Variants in ARHGEF9 observed in about 807,000 individuals in gnomAD.
ARHGEF9 encodes rho guanine nucleotide exchange factor 9.
A neutral mutation model predicts 41.3 loss-of-function variants in ARHGEF9; 2 were observed. That is an observed-to-expected ratio of 0.05 (90% CI 0.02 to 0.15). ARHGEF9 has a LOEUF of 0.15. Ranked by LOEUF, ARHGEF9 falls within the 10% of genes least tolerant of loss-of-function variation. The probability of loss-of-function intolerance (pLI) is 1.00; values close to 1 mark genes in which losing one functional copy is unlikely to be tolerated. For missense variants in ARHGEF9, 225 were observed against 424.7 expected (o/e 0.53, Z 4.13); for synonymous variants, 160 against 154.4 (o/e 1.04, Z -0.27).
At chrX:63,745,376 A>C (rs2055205082) in intron 1 of ARHGEF9, among the ~76,000 whole-genome samples, 1 of 108,856 alleles carries the variant, frequency 9.2e-6, no homozygotes, top group African/African-American at 3.4e-5. Flanking sequence ...TCCCCATCCT[A>C]CTCCCTGGAA....
chrX:63,782,177 T>C (rs1267388286), intron 1 of ARHGEF9, among the ~76,000 whole-genome samples: 6 of 112,074 alleles, frequency 5.4e-5, no homozygotes, highest in Non-Finnish European at 1.1e-4. Context: ...GAATTTTTTT[T>C]CATTGTGATC....
chrX:63,751,421 C>G (rs1393674814), intron 1 of ARHGEF9, among the ~76,000 whole-genome samples: 1 of 111,680 alleles, frequency 9.0e-6, no homozygotes, highest in African/African-American at 3.3e-5. Flanking sequence ...TCTCTTTTTG[C>G]TAGAGAAAAA....
intron 4 of ARHGEF9, among the ~76,000 whole-genome samples, chrX:63,686,485 T>C (rs1556375715): frequency 9.0e-6 from 1 of 111,088 alleles, no homozygotes; most frequent in African/African-American, 3.3e-5. Flanking sequence ...AAATGCATTG[T>C]ACCCTAAAAC....
chrX:63,766,622 T>C (rs1260987372), intron 1 of ARHGEF9, among the ~76,000 whole-genome samples: 1 of 112,029 alleles, frequency 8.9e-6, no homozygotes, highest in East Asian at 2.8e-4. Flanking sequence ...AAAGGACTTC[T>C]CTGAGTTTTC....
chrX:63,734,102 T>G (rs2054474507), intron 1 of ARHGEF9, among the ~76,000 whole-genome samples: 3 of 112,338 alleles, frequency 2.7e-5, no homozygotes, highest in Non-Finnish European at 5.6e-5. Context: ...AGCCAGTAGC[T>G]CAGCCAAATG....
chrX:63,642,536 G>C (rs1157743447), intron 9 of ARHGEF9: 2 of 111,995 alleles, frequency 1.8e-5, no homozygotes, highest in Non-Finnish European at 3.8e-5. Context: ...CCTCCCAAGA[G>C]CAAGAAGTAA....
chrX:63,711,251 A>T (rs535186612), intron 2 of ARHGEF9, among the ~76,000 whole-genome samples: 1 of 112,007 alleles, frequency 8.9e-6, no homozygotes, highest in East Asian at 2.8e-4. Context: ...ATTCAGATTC[A>T]ACGCAATACC....
chrX:63,690,352 G>T (rs782038898), intron 4 of ARHGEF9, among the ~76,000 whole-genome samples: 21 of 111,348 alleles, frequency 1.9e-4, no homozygotes, highest in Non-Finnish European at 2.6e-4. Context: ...CAGAGAATAT[G>T]AACAACTACA....
chrX:63,706,251 T>A lies in ARHGEF9; in HGVS notation c.402+7A>T, dbSNP rs373304318. 200 of 1,192,351 alleles carry A rather than the reference T, an allele frequency of 1.7e-4. No individual in the cohort carries two copies. The highest frequency in any genetic ancestry group is 2.2e-4 in the Non-Finnish European group (195 of 885,500). On this transcript the variant is annotated splice_region_variant and intron_variant, in intron 3 of 9. Coordinates refer to ENST00000671741, the MANE Select transcript of ARHGEF9 (RefSeq NM_001353921.2). ...GGAAGTGCCTCCACATGAACCACCA[T>A]GGTTACCTCACAAATATCCTTGAGG...
At chrX:63,684,141 A>C (rs1417384567) in intron 4 of ARHGEF9, among the ~76,000 whole-genome samples, 1 of 110,618 alleles carries the variant, frequency 9.0e-6, no homozygotes, top group Admixed American at 9.6e-5. Context: ...AAAATATATA[A>C]GGAACTCACA....
chrX:63,661,355 C>T (rs1556341290), intron 7 of ARHGEF9, among the ~76,000 whole-genome samples: 1 of 111,553 alleles, frequency 9.0e-6, no homozygotes, highest in Non-Finnish European at 1.9e-5. Flanking sequence ...AGTTATGACA[C>T]AAGGGACAAC....
intron 1 of ARHGEF9, among the ~76,000 whole-genome samples, chrX:63,761,328 T>G (rs1556449547): frequency 1.8e-5 from 2 of 111,978 alleles, no homozygotes; most frequent in Non-Finnish European, 3.8e-5. Context: ...GTTTATTGAT[T>G]TATTGTCTCC....
chrX:63,672,570 G>A (rs1256059749), intron 6 of ARHGEF9, among the ~76,000 whole-genome samples: 1 of 110,816 alleles, frequency 9.0e-6, no homozygotes, highest in African/African-American at 3.3e-5. Context: ...TCCCTGAGTA[G>A]GCCAGGTAAT....
At chrX:63,755,627 A>C (rs1157828031) in intron 1 of ARHGEF9, among the ~76,000 whole-genome samples, 1 of 111,812 alleles carries the variant, frequency 8.9e-6, no homozygotes, top group Non-Finnish European at 1.9e-5. Context: ...GCTGTGGAGA[A>C]TGCATGTGCC....
At chrX:63,749,498 T>C (rs782519463) in intron 1 of ARHGEF9, among the ~76,000 whole-genome samples, 72 of 111,897 alleles carry the variant, frequency 6.4e-4, no homozygotes, top group Non-Finnish European at 1.2e-3. Flanking sequence ...CCCAAAGTGC[T>C]GGGATTACAG....
At chrX:63,669,979 G>T (rs1556353229) in intron 6 of ARHGEF9, among the ~76,000 whole-genome samples, 1 of 111,718 alleles carries the variant, frequency 9.0e-6, no homozygotes, top group East Asian at 2.8e-4. Flanking sequence ...TAAATCAATA[G>T]GTGTGGAATG....
intron 4 of ARHGEF9, among the ~76,000 whole-genome samples, chrX:63,684,498 T>A (rs782468413): frequency 1.8e-5 from 2 of 111,123 alleles, no homozygotes; most frequent in South Asian, 7.6e-4. Flanking sequence ...AATAGAATTA[T>A]CAAATTATCC....
At chrX:63,703,811 G>C (rs2052353197) in intron 3 of ARHGEF9, among the ~76,000 whole-genome samples, 1 of 111,885 alleles carries the variant, frequency 8.9e-6, no homozygotes, top group African/African-American at 3.2e-5. Context: ...AGAATGCTTA[G>C]AGAAGTCTCA....
In ARHGEF9 at chrX:63,697,299, A is replaced by G. The variant is rs782079969; in HGVS notation, c.408T>C (p.Tyr136=). The G allele has an allele frequency of 8.3e-7, 1 of 1,210,943 alleles. No homozygotes were observed. Among genetic ancestry groups the G allele is most frequent in the Admixed American group, 2.2e-5 (1 of 45,943 alleles). The change falls in exon 4 of 10, where the codon TAT becomes TAC. Residue 136 remains tyrosine (Y), a synonymous_variant. Coordinates refer to ENST00000671741, the MANE Select transcript of ARHGEF9 (RefSeq NM_001353921.2). ...IKHLKDICEG[Y]LKQCRKRRDM... ...CCCTTCTCTTCCGGCACTGCTTCAG[A>G]TAGCCCTGTAGACAAAGAAAAAGCC...
Sources: allele counts gnomAD v4.1 joint callset (sites outside exome capture counted in the v4.1 genomes callset), GRCh38; gene constraint gnomAD v4.1.1; transcripts MANE v1.5; gene names NCBI Gene and HGNC (gene_info 2026-07-23, HGNC 2026-07-21).